Variants in SNX27 observed in about 807,000 individuals in gnomAD.
SNX27 encodes sorting nexin 27.
In SNX27, 22 loss-of-function variants were observed where a neutral mutation model predicts 71.6. That is an observed-to-expected ratio of 0.31 (90% CI 0.22 to 0.44). The LOEUF (loss-of-function observed/expected upper bound fraction) is 0.44. Ranked by LOEUF, SNX27 falls within the 20% of genes least tolerant of loss-of-function variation. The pLI, the probability that SNX27 is intolerant of heterozygous loss-of-function variation, is 1.00. For synonymous variants in SNX27, 269 were observed against 277.2 expected (o/e 0.97, Z 0.29); for missense variants, 531 against 698.6 (o/e 0.76, Z 2.70).
intron 1 of SNX27, among the ~76,000 whole-genome samples, chr1:151,621,574 A>G (rs1402331535): frequency 6.6e-6 from 1 of 152,216 alleles, no homozygotes; most frequent in Non-Finnish European, 1.5e-5. Context: ...AAGTACAGGC[A>G]GTCTGCAGAG....
chr1:151,634,171 A>G (rs1668370357), intron 1 of SNX27, among the ~76,000 whole-genome samples: 1 of 152,210 alleles, frequency 6.6e-6, no homozygotes, highest in African/African-American at 2.4e-5. Flanking sequence ...ATAGACATGT[A>G]GCCATTGTGT....
intron 1 of SNX27, among the ~76,000 whole-genome samples, chr1:151,636,738 T>C (rs1195638561): frequency 1.3e-5 from 2 of 150,600 alleles, no homozygotes; most frequent in South Asian, 2.1e-4. Flanking sequence ...TAAGAATGTA[T>C]GGTGATTTCT....
chr1:151,654,689 G>T (rs1669593223), intron 2 of SNX27, among the ~76,000 whole-genome samples: 1 of 151,980 alleles, frequency 6.6e-6, no homozygotes. Context: ...AATATCAAGG[G>T]GCCACATCTG....
chr1:151,657,826 C>A (rs1669766577), intron 2 of SNX27, among the ~76,000 whole-genome samples: 1 of 152,026 alleles, frequency 6.6e-6, no homozygotes, highest in Non-Finnish European at 1.5e-5. Flanking sequence ...CATGGTGAAA[C>A]CCCTTCTCTA....
intron 8 of SNX27, among the ~76,000 whole-genome samples, chr1:151,691,251 C>T (rs1242010437): frequency 2.6e-5 from 4 of 151,654 alleles, no homozygotes; most frequent in Non-Finnish European, 4.4e-5. Context: ...CACTGCACTC[C>T]GGCCTGGGTG....
At chr1:151,646,653 A>G (rs932917147) in intron 2 of SNX27, among the ~76,000 whole-genome samples, 6 of 148,198 alleles carry the variant, frequency 4.0e-5, no homozygotes, top group East Asian at 1.9e-4. Flanking sequence ...ATAGGTAAGT[A>G]TATCTAATAT....
intron 11 of SNX27, chr1:151,693,988 G>T (rs919929568): frequency 4.8e-5 from 59 of 1,219,558 alleles, no homozygotes; most frequent in Non-Finnish European, 5.8e-5. Flanking sequence ...TATTCTCAAA[G>T]AAAATCTTTG....
At chr1:151,676,063 C>T (rs1272426569) in intron 7 of SNX27, 1 of 150,758 alleles carries the variant, frequency 6.6e-6, no homozygotes, top group Non-Finnish European at 1.5e-5. Context: ...AACTCCTGGG[C>T]TCAGGCAATC....
chr1:151,671,016 T>C (rs1447488717), intron 7 of SNX27, among the ~76,000 whole-genome samples: 1 of 152,188 alleles, frequency 6.6e-6, no homozygotes, highest in East Asian at 1.9e-4. Context: ...TATCCAGTTT[T>C]CCCAGCACCA....
At chr1:151,653,061 C>T (rs998095750) in intron 2 of SNX27, among the ~76,000 whole-genome samples, 1 of 151,336 alleles carries the variant, frequency 6.6e-6, no homozygotes, top group African/African-American at 2.4e-5. Flanking sequence ...CTGAGTAGCT[C>T]GAATTACAGG....
At position 151,655,086 on chromosome 1, in the gene SNX27, C is replaced by T. The variant is rs998731744; in HGVS notation, c.544-3149C>T. Among the ~76,000 whole-genome samples, 8 of 151,922 alleles carry T rather than the reference C, an allele frequency of 5.3e-5. No individual in the cohort carries two copies. In the South Asian group the frequency reaches 1.7e-3, roughly 32 times the overall value. ...TGTGATTGGGTGCTAGATTTTGTTA[C>T]ATTTCTTTAAAGAGTGTTGGAATTT... is the stretch of plus-strand genomic sequence containing the variant. On this transcript the variant is annotated intron_variant, in intron 2 of 11. Coordinates refer to ENST00000458013, the MANE Select transcript of SNX27 (RefSeq NM_001330723.2).
At chr1:151,670,082 T>A (rs571577591) in intron 7 of SNX27, among the ~76,000 whole-genome samples, 2 of 152,142 alleles carry the variant, frequency 1.3e-5, no homozygotes, top group Non-Finnish European at 2.9e-5. Context: ...CATCCTACTC[T>A]CTATCTCCAT....
intron 1 of SNX27, among the ~76,000 whole-genome samples, chr1:151,637,325 C>A (rs1280070654): frequency 6.6e-6 from 1 of 151,886 alleles, no homozygotes; most frequent in Non-Finnish European, 1.5e-5. Flanking sequence ...ACTACAGGCG[C>A]CCACCACCAT....
At chr1:151,690,599 C>T (rs531553336) in intron 8 of SNX27, among the ~76,000 whole-genome samples, 5 of 151,526 alleles carry the variant, frequency 3.3e-5, no homozygotes, top group East Asian at 3.9e-4. Context: ...TACAGGTGCC[C>T]GGCAAATTTT....
intron 2 of SNX27, among the ~76,000 whole-genome samples, chr1:151,640,595 G>A (rs1276758306): frequency 6.6e-6 from 1 of 151,768 alleles, no homozygotes; most frequent in South Asian, 2.1e-4. Context: ...GGCTAGTCTC[G>A]AACTCCTGAC....
chr1:151,615,592 C>T, intron 1 of SNX27: 1 of 543,828 alleles, frequency 1.8e-6, no homozygotes, highest in Non-Finnish European at 2.3e-6. Context: ...CCCAGGAAAG[C>T]TTTGCATGTT....
intron 7 of SNX27, among the ~76,000 whole-genome samples, chr1:151,682,268 A>G (rs1356380040): frequency 6.6e-6 from 1 of 152,236 alleles, no homozygotes; most frequent in Non-Finnish European, 1.5e-5. Context: ...TCACACTGCT[A>G]TAAAGACACT....
intron 2 of SNX27, among the ~76,000 whole-genome samples, chr1:151,653,486 G>A (rs1669531358): frequency 6.6e-6 from 1 of 152,236 alleles, no homozygotes; most frequent in South Asian, 2.1e-4. Context: ...TGTGCTTAGA[G>A]TGAGGGCTGG....
rs143655709 is a variant in SNX27, at chr1:151,623,211, G to A, written c.311+10699G>A. On this transcript the variant is annotated intron_variant, in intron 1 of 11. Transcript: ENST00000458013. ...GGCTGGAGTGCAGTGGCACGATTTT[G>A]GCTTACTGCAATTCTGCCTCCCAGG... Among the ~76,000 whole-genome samples the A allele has an allele frequency of 2.0e-3, 301 of 152,116 alleles. 2 individuals are homozygous for A. The highest frequency in any genetic ancestry group is 6.6e-3 in the African/African-American group (273 of 41,500).
Sources: allele counts gnomAD v4.1 joint callset (sites outside exome capture counted in the v4.1 genomes callset), GRCh38; gene constraint gnomAD v4.1.1; transcripts MANE v1.5; gene names NCBI Gene and HGNC (gene_info 2026-07-23, HGNC 2026-07-21).